Variants in SSC4D observed in about 807,000 individuals in gnomAD.
SSC4D encodes the protein scavenger receptor cysteine rich family member with 4 domains, also known as scavenger receptor cysteine-rich domain-containing group B protein.
SSC4D carries 57 observed loss-of-function variants against 63.4 expected under a neutral mutation model. The ratio of observed to expected loss-of-function variants is 0.90; its 90% CI spans 0.73 to 1.12. The LOEUF (loss-of-function observed/expected upper bound fraction) is 1.12, where lower values mean the gene tolerates loss of function less well. Among genes scored for constraint, SSC4D ranks in the 50% most tolerant of loss-of-function variants. The pLI is 0.00. For synonymous variants in SSC4D, 352 were observed against 345.4 expected, an observed-to-expected ratio of 1.02 and a Z score of -0.21; for missense variants, 791 against 806.4, an observed-to-expected ratio of 0.98 and a Z score of 0.23.
intron 10 of SSC4D, among the ~76,000 whole-genome samples, chr7:76,390,925 C>A (rs2115733439): frequency 6.6e-6 from 1 of 152,290 alleles, no homozygotes; most frequent in African/African-American, 2.4e-5. Flanking sequence ...AGCCGGACAG[C>A]AGCCTGGACA....
At chr7:76,404,190 T>G in intron 2 of SSC4D, 117 bp downstream of exon 2, 1 of 1,380,714 alleles carries the variant, frequency 7.2e-7, no homozygotes, top group Non-Finnish European at 9.6e-7. Context: ...AAGGTCAGCA[T>G]TGGAAAGAAC....
intron 1 of SSC4D, among the ~76,000 whole-genome samples, chr7:76,405,313 A>T (rs111340599): frequency 0.044 from 1,495 of 34,270 alleles, 92 homozygotes; most frequent in African/African-American, 0.11. Flanking sequence ...ATATATATAT[A>T]TATGTATTTT....
At chr7:76,395,605 G>T (rs1804617435) in intron 6 of SSC4D, among the ~76,000 whole-genome samples, 1 of 152,206 alleles carries the variant, frequency 6.6e-6, no homozygotes, top group South Asian at 2.1e-4. Flanking sequence ...GTTCTCATCA[G>T]AAGTCCTCTG....
At chr7:76,399,887 C>T (rs947200117) in intron 4 of SSC4D, among the ~76,000 whole-genome samples, 1 of 152,116 alleles carries the variant, frequency 6.6e-6, no homozygotes, top group Non-Finnish European at 1.5e-5. Context: ...GTAGTTCCAG[C>T]TACTGAGGCG....
At chr7:76,404,264 T>C (rs1205064479) in intron 2 of SSC4D, 43 bp downstream of exon 2, 3 of 1,500,696 alleles carry the variant, frequency 2.0e-6, no homozygotes, top group Non-Finnish European at 2.7e-6. Flanking sequence ...ACAACTGAGA[T>C]TCAGAAAGAG....
intron 7 of SSC4D, 110 bp from the exon 8 acceptor site, chr7:76,394,014 C>T (rs1169564222): frequency 5.1e-5 from 56 of 1,102,344 alleles, no homozygotes; most frequent in Non-Finnish European, 7.1e-5. Flanking sequence ...CACCCGTACC[C>T]CCACTCAGCT....
intron 7 of SSC4D, 130 bp downstream of exon 7, chr7:76,395,123 C>G (rs750471877): frequency 2.0e-6 from 2 of 1,014,730 alleles, no homozygotes; most frequent in African/African-American, 3.2e-5. Flanking sequence ...TCACCCACCT[C>G]TGCACCATCT....
rs373920691 is a variant in SSC4D at position 76,399,860 on chromosome 7, TG to T, written c.475+425del. On this transcript the variant is annotated intron_variant, in intron 4 of 10. Coordinates refer to ENST00000275560, the MANE Select transcript of SSC4D (RefSeq NM_080744.2). ...TTTAAAACTAGGAGAGGGGAACCAG[TG>T]GGGTGACTTGGACCTGTAGTTCCAG... is the stretch of plus-strand genomic sequence containing the variant. Among the ~76,000 whole-genome samples, 1,231 of 152,018 alleles carry T rather than the reference TG, an allele frequency of 8.1e-3. 17 individuals carry two copies. The highest frequency in any genetic ancestry group is 0.028 in the African/African-American group (1,154 of 41,484).
chr7:76,398,803 A>G lies in SSC4D; in HGVS notation c.476-6T>C, dbSNP rs1488101428. The G allele has an allele frequency of 6.2e-7, 1 of 1,611,434 alleles. No homozygotes were observed. Among genetic ancestry groups the G allele is most frequent in the Non-Finnish European group, 8.5e-7 (1 of 1,178,408 alleles). On this transcript the variant is annotated splice_polypyrimidine_tract_variant and splice_region_variant and intron_variant, in intron 4 of 10. Transcript: ENST00000275560. The stretch of plus-strand genomic sequence containing the variant: ...GGGCTGCGTTGGCAAGAATTCTGGA[A>G]AGGAAGTGAAGTGGATACAGGGGTC...
At chr7:76,401,474 T>A (rs1458163959) in intron 2 of SSC4D, among the ~76,000 whole-genome samples, 1 of 152,156 alleles carries the variant, frequency 6.6e-6, no homozygotes, top group Non-Finnish European at 1.5e-5. Context: ...TGGAGTGCAA[T>A]GGCACGATCT....
intron 1 of SSC4D, among the ~76,000 whole-genome samples, chr7:76,405,306 TATA>T (rs1804972388): frequency 1.6e-5 from 1 of 63,120 alleles, no homozygotes; most frequent in African/African-American, 7.1e-5. Flanking sequence ...TATATATATA[TATA>T]TATATATGTA....
At chr7:76,395,938 G>A (rs773198057) in intron 6 of SSC4D, among the ~76,000 whole-genome samples, 1 of 152,128 alleles carries the variant, frequency 6.6e-6, no homozygotes, top group African/African-American at 2.4e-5. Context: ...CAGGCGATCC[G>A]CCCATCTCGG....
chr7:76,399,753 G>C (rs1319961043), intron 4 of SSC4D, among the ~76,000 whole-genome samples: 1 of 151,960 alleles, frequency 6.6e-6, no homozygotes, highest in Non-Finnish European at 1.5e-5. Flanking sequence ...CAAACTCCTG[G>C]GCTCAAGCAA....
Position 76,404,516 on chromosome 7 carries a change from A to C in SSC4D, c.-66-11T>G. The stretch of plus-strand genomic sequence containing the variant: ...TCACAGTTGGAACATCTGAAATTAA[A>C]GATCCCAAATGTTGCTGGGCCTCCC... On this transcript the variant is annotated splice_polypyrimidine_tract_variant and intron_variant, in intron 1 of 10. Transcript: ENST00000275560. 1 of 1,609,300 alleles carries C rather than the reference A, an allele frequency of 6.2e-7. No homozygotes were observed. Among genetic ancestry groups the C allele is most frequent in the East Asian group, 2.2e-5 (1 of 44,848 alleles).
rs79642802 is a variant in SSC4D at position 76,393,101 on chromosome 7, T to A, written c.1333+304A>T. On this transcript the variant is annotated intron_variant, in intron 9 of 10. Coordinates refer to ENST00000275560, the MANE Select transcript of SSC4D (RefSeq NM_080744.2). ...CAAACGGCCCCACCCTTTACGGACT[T>A]GATGCCTTTCTCGAACTGGGATCGG... 8.1e-3 allele frequency among the ~76,000 whole-genome samples: 1,230 copies of A among 152,316 alleles called. 19 individuals are homozygous for A. The highest frequency in any genetic ancestry group is 0.028 in the African/African-American group (1,153 of 41,570).
chr7:76,392,114 TC>T (rs2115737065), intron 9 of SSC4D, 73 bp from the exon 10 acceptor site: 2 of 1,449,524 alleles, frequency 1.4e-6, no homozygotes, highest in Non-Finnish European at 1.9e-6. Flanking sequence ...CCAGGTCCCC[TC>T]CTGCTCTCCC....
rs111668358 is a variant in SSC4D at position 76,409,469 on chromosome 7, G to A, written c.-122C>T. On this transcript the variant is annotated 5_prime_UTR_variant, in exon 1 of 11. It introduces an in-frame stop codon into an upstream open reading frame of the 5' UTR. Coordinates refer to ENST00000275560, the MANE Select transcript of SSC4D (RefSeq NM_080744.2). ...CTTCTTCTACAGTCAATCCAAGATC[G>A]AATCACTTTGTCTGCCCCTGGAAGT... The A allele has an allele frequency of 1.3e-5, 2 of 152,206 alleles. No individual in the cohort carries two copies. Among genetic ancestry groups the A allele is most frequent in the African/African-American group, 2.4e-5 (1 of 41,418 alleles). 9.4% of individuals were successfully genotyped at this position (152,206 alleles called of 1,614,324 possible).
Position 76,390,111 on chromosome 7 carries a change from G to C in SSC4D, c.1676C>G (p.Ala559Gly). 1 of 1,614,222 alleles carries C rather than the reference G, an allele frequency of 6.2e-7. No individual in the cohort carries two copies. ...ATCCTCGCTGTGGTCACAGTTGTGG[G>C]CATCCCAGCGGATATGAGAGCAGAG... ...LLLCSHIRWD[A>G]HNCDHSEDAS... The change falls in exon 11 of 11, where the codon GCC becomes GGC. Residue 559 changes from alanine to glycine, a missense_variant. Physicochemically the swap from Ala to Gly is moderately conservative, Grantham distance 60. Coordinates refer to ENST00000275560, the MANE Select transcript of SSC4D (RefSeq NM_080744.2).
At chr7:76,406,977 TG>T (rs1419265923) in intron 1 of SSC4D, among the ~76,000 whole-genome samples, 1 of 152,110 alleles carries the variant, frequency 6.6e-6, no homozygotes, top group Non-Finnish European at 1.5e-5. Context: ...TATTTATTTT[TG>T]GAGACAGAGC....
Sources: allele counts gnomAD v4.1 joint callset (sites outside exome capture counted in the v4.1 genomes callset), GRCh38; gene constraint gnomAD v4.1.1; transcripts MANE v1.5; gene names NCBI Gene and HGNC (gene_info 2026-07-23, HGNC 2026-07-21).